WNK2: variants seen among roughly 807,000 people sequenced by gnomAD.
The protein encoded by WNK2 is serine/threonine-protein kinase WNK2.
A neutral mutation model predicts 192.1 loss-of-function variants in WNK2; 67 were observed. That is an observed-to-expected ratio of 0.35 (90% CI 0.29 to 0.43). WNK2 has a LOEUF of 0.43. WNK2 is among the 20% of genes least tolerant of loss of function. WNK2 has a pLI of 1.00. For missense variants in WNK2, 2,698 were observed against 3,089.7 expected (o/e 0.87, Z 3.01); for synonymous variants, 1,439 against 1,393.9 (o/e 1.03, Z -0.72).
intron 2 of WNK2, among the ~76,000 whole-genome samples, chr9:93,221,394 T>G (rs914712774): frequency 6.6e-5 from 10 of 151,952 alleles, no homozygotes; most frequent in African/African-American, 2.2e-4. Context: ...GCATGGAGAG[T>G]TTGTGACAAG....
chr9:93,285,921 A>G (rs1848384067), intron 19 of WNK2, among the ~76,000 whole-genome samples: 1 of 152,236 alleles, frequency 6.6e-6, no homozygotes. Flanking sequence ...CGATTGTCAA[A>G]CAGTGGAGAC....
chr9:93,222,786 G>A (rs1196419799), intron 2 of WNK2, among the ~76,000 whole-genome samples: 4 of 151,984 alleles, frequency 2.6e-5, no homozygotes, highest in South Asian at 4.2e-4. Flanking sequence ...GGGTTCAAGC[G>A]ATTCTCCTGC....
intron 28 of WNK2, among the ~76,000 whole-genome samples, chr9:93,313,984 T>C (rs1404132961): frequency 6.6e-6 from 1 of 151,816 alleles, no homozygotes. Flanking sequence ...AAAAATTAGC[T>C]GGGCTGCTGG....
chr9:93,285,951 A>G (rs1326677078), intron 19 of WNK2, among the ~76,000 whole-genome samples: 1 of 152,158 alleles, frequency 6.6e-6, no homozygotes, highest in Non-Finnish European at 1.5e-5. Flanking sequence ...TTCTCAACAG[A>G]AAGAGTTGGG....
rs45534637 is a variant in WNK2 at position 93,259,141 on chromosome 9, C to G, written c.2593C>G (p.Pro865Ala). ...PLQAVKLPHP[P>A]GAPLAMPCRT... ...GCAGGCTGTGAAGCTGCCCCACCCCCCTGGGGCGCCCCTGGCCATGCCCTG... is the reference window on the plus strand; with the variant it reads ...GCAGGCTGTGAAGCTGCCCCACCCCGCTGGGGCGCCCCTGGCCATGCCCTG... The change falls in exon 12 of 30, where the codon CCT becomes GCT. Residue 865 changes from proline to alanine, a missense_variant. Physicochemically the swap from Pro to Ala is conservative, Grantham distance 27. Coordinates refer to ENST00000427277, the MANE Select transcript of WNK2 (RefSeq NM_006648.4). This position sits in a 1 kb window ranked among gnomAD's most constrained non-coding sequence, Gnocchi z 4.8. The G allele has an allele frequency of 5.0e-6, 8 of 1,611,576 alleles. No homozygotes were observed. The South Asian group carries it at 5.5e-5, about 11-fold the overall frequency.
At chr9:93,264,421 C>T (rs943284025) in intron 16 of WNK2, among the ~76,000 whole-genome samples, 5 of 152,136 alleles carry the variant, frequency 3.3e-5, no homozygotes, top group African/African-American at 4.8e-5. Flanking sequence ...AGCTGGAGTG[C>T]GGGCTCTGAG....
intron 2 of WNK2, among the ~76,000 whole-genome samples, chr9:93,195,205 T>A (rs1393517804): frequency 1.3e-5 from 2 of 152,136 alleles, no homozygotes; most frequent in Non-Finnish European, 2.9e-5. Flanking sequence ...AAATGTTGGA[T>A]TTTAGTTAAT....
At chr9:93,307,834 G>C (rs1319347599) in intron 27 of WNK2, 1 of 154,064 alleles carries the variant, frequency 6.5e-6, no homozygotes, top group Admixed American at 6.5e-5. Context: ...GGGGCTGCCT[G>C]CAGGCCAGCC....
Position 93,220,105 on chromosome 9 carries a change from C to G in WNK2, c.682-9591C>G, listed in dbSNP as rs552826582. Reference sequence around the variant, plus strand: ...GGGTGTGAATGAGCATAGGTCCTGTCTGCTTGATCTGCAGTGGGCCAGGCC... The same window carrying G: ...GGGTGTGAATGAGCATAGGTCCTGTGTGCTTGATCTGCAGTGGGCCAGGCC... On this transcript the variant is annotated intron_variant, in intron 2 of 29. Coordinates refer to ENST00000427277, the MANE Select transcript of WNK2 (RefSeq NM_006648.4). Among the ~76,000 whole-genome samples the G allele has an allele frequency of 3.3e-5, 5 of 152,326 alleles. 1 individual carries two copies. The South Asian group carries it at 1.0e-3, about 32-fold the overall frequency.
chr9:93,253,181 C>G (rs1420283765), intron 9 of WNK2, 99 bp downstream of exon 9: 1 of 1,079,978 alleles, frequency 9.3e-7, no homozygotes, highest in East Asian at 3.2e-5. Context: ...CCAGGCTGCA[C>G]TGCATTGTGG....
At chr9:93,250,807 C>T (rs1325408829) in intron 8 of WNK2, among the ~76,000 whole-genome samples, 16 of 112,002 alleles carry the variant, frequency 1.4e-4, no homozygotes, top group African/African-American at 2.6e-4. Context: ...TTTTTTGAGA[C>T]GGAGTCTCGC....
chr9:93,235,033 GC>G lies in WNK2; in HGVS notation c.1233+69del, dbSNP rs1265723672. On this transcript the variant is annotated intron_variant, in intron 5 of 29. Transcript: ENST00000427277. ...GGCCTTGGGCCGTACCCTGGGCTGG[GC>G]TCCATGTGGCTCTGTAAAGCCATCC... The G allele has an allele frequency of 4.5e-6, 7 of 1,563,150 alleles. No homozygotes were observed. The African/African-American group carries it at 9.5e-5, about 21-fold the overall frequency.
intron 2 of WNK2, among the ~76,000 whole-genome samples, chr9:93,195,136 G>A (rs1387161841): frequency 6.6e-6 from 1 of 152,112 alleles, no homozygotes; most frequent in East Asian, 1.9e-4. Flanking sequence ...GTGAATACAT[G>A]TCATTATACA....
At chr9:93,318,799 C>T (rs543254333) in intron 29 of WNK2, 38 of 1,410,500 alleles carry the variant, frequency 2.7e-5, no homozygotes, top group South Asian at 3.2e-5. Context: ...CAGTGGGACT[C>T]GTCCCCAGTG....
At position 93,267,976 on chromosome 9, in the gene WNK2, G is replaced by A. The variant is rs76607569; in HGVS notation, c.3868-44G>A. Reference sequence around the variant, plus strand: ...GAGTGCAGTGGCTGGGCAGGTGGGCGCTGCAGCTCAGTGGGCTCATTTCTG... The same window carrying A: ...GAGTGCAGTGGCTGGGCAGGTGGGCACTGCAGCTCAGTGGGCTCATTTCTG... On this transcript the variant is annotated intron_variant, in intron 17 of 29. Coordinates refer to ENST00000427277, the MANE Select transcript of WNK2 (RefSeq NM_006648.4). 3.2e-3 allele frequency: 5,214 copies of A among 1,605,912 alleles called. 94 individuals carry two copies. In the East Asian group the frequency reaches 0.041, roughly 13 times the overall value.
chr9:93,208,438 G>T (rs1242266560), intron 2 of WNK2, among the ~76,000 whole-genome samples: 1 of 152,164 alleles, frequency 6.6e-6, no homozygotes, highest in Non-Finnish European at 1.5e-5. Flanking sequence ...CACGTTTTCT[G>T]TGTGCATGTG....
intron 23 of WNK2, among the ~76,000 whole-genome samples, chr9:93,293,525 G>A (rs1588493060): frequency 6.6e-6 from 1 of 152,134 alleles, no homozygotes; most frequent in Middle Eastern, 3.4e-3. Flanking sequence ...TCACCATGTT[G>A]GCCAGGCTGG....
chr9:93,281,373 CAA>C (rs11311059), intron 19 of WNK2, among the ~76,000 whole-genome samples: 2 of 151,294 alleles, frequency 1.3e-5, no homozygotes, highest in South Asian at 2.1e-4. Flanking sequence ...GAAACTATGC[CAA>C]AAAAAAAGCT....
chr9:93,214,667 C>T (rs111244776), intron 2 of WNK2, among the ~76,000 whole-genome samples: 7,876 of 146,470 alleles, frequency 0.054, 318 homozygotes, highest in African/African-American at 0.1. Flanking sequence ...GGTCAGCTGT[C>T]AGTCTACTTG....
Sources: gnomAD v4.1 joint callset for allele counts (sites outside exome capture counted in the v4.1 genomes callset) on GRCh38, gnomAD v4.1.1 for gene constraint, Gnocchi (gnomAD v3.1) non-coding constraint, MANE v1.5 for transcripts, NCBI Gene and HGNC (gene_info 2026-07-23, HGNC 2026-07-21) for gene names.